Variants in MYLK observed in about 807,000 individuals in gnomAD.
MYLK encodes myosin light chain kinase.
A neutral mutation model predicts 203.4 loss-of-function variants in MYLK; 106 were observed. The observed-to-expected ratio is 0.52, with a 90% confidence interval of 0.45 to 0.61. The LOEUF (loss-of-function observed/expected upper bound fraction) is 0.61, where lower values mean the gene tolerates loss of function less well. Ranked by LOEUF, MYLK falls within the 20% of genes least tolerant of loss-of-function variation. MYLK has a pLI of 0.00. For missense variants in MYLK, 2,072 were observed against 2,442.3 expected, an observed-to-expected ratio of 0.85 and a Z score of 3.20; for synonymous variants, 867 against 959.5, an observed-to-expected ratio of 0.90 and a Z score of 1.78.
At chr3:123,730,957 G>C (rs998506804) in intron 11 of MYLK, among the ~76,000 whole-genome samples, 1 of 152,082 alleles carries the variant, frequency 6.6e-6, no homozygotes, top group Non-Finnish European at 1.5e-5. Flanking sequence ...AACAAGATAG[G>C]GAATCAACCT....
At chr3:123,763,176 T>G (rs1366403362) in intron 4 of MYLK, among the ~76,000 whole-genome samples, 2 of 152,250 alleles carry the variant, frequency 1.3e-5, no homozygotes, top group Non-Finnish European at 2.9e-5. Context: ...TGCTTTACTT[T>G]GATATCCTTA....
intron 4 of MYLK, among the ~76,000 whole-genome samples, chr3:123,784,209 G>A (rs1209181992): frequency 1.3e-5 from 2 of 152,168 alleles, no homozygotes; most frequent in Non-Finnish European, 2.9e-5. Flanking sequence ...CTGGGCCAGT[G>A]TGGCCATGTG....
chr3:123,819,009 A>G lies in MYLK; in HGVS notation c.-4+12539T>C, dbSNP rs1341427561. On this transcript the variant is annotated intron_variant, in intron 3 of 33. Transcript: ENST00000360304. Reference sequence around the variant, plus strand: ...TTACCGATAAAACAACAACAGTACCACCCTGGGCAAGGCTGCTTTGAAACT... The same window carrying G: ...TTACCGATAAAACAACAACAGTACCGCCCTGGGCAAGGCTGCTTTGAAACT... Among the ~76,000 whole-genome samples, 3 of 152,110 alleles carry G rather than the reference A, an allele frequency of 2.0e-5. No individual in the cohort carries two copies. In the South Asian group the frequency reaches 6.2e-4, roughly 32 times the overall value.
chr3:123,671,825 G>A (rs900567913), intron 20 of MYLK, among the ~76,000 whole-genome samples: 3 of 152,088 alleles, frequency 2.0e-5, no homozygotes, highest in South Asian at 2.1e-4. Context: ...CCTTTGGTGG[G>A]GGAGACCAGA....
At chr3:123,834,844 C>T (rs2066434976) in intron 2 of MYLK, among the ~76,000 whole-genome samples, 1 of 152,078 alleles carries the variant, frequency 6.6e-6, no homozygotes, top group African/African-American at 2.4e-5. Context: ...AGAATGTCTG[C>T]TCCGGGAAGT....
intron 4 of MYLK, among the ~76,000 whole-genome samples, chr3:123,790,546 T>C (rs2064739193): frequency 6.6e-6 from 1 of 152,168 alleles, no homozygotes; most frequent in Admixed American, 6.5e-5. Context: ...TGTTATCCCA[T>C]CTTAATGTCA....
intron 32 of MYLK, among the ~76,000 whole-genome samples, chr3:123,619,610 T>C (rs820458): frequency 0.38 from 58,361 of 151,786 alleles, 16,707 homozygotes; most frequent in African/African-American, 0.78. Flanking sequence ...AAGGCTGGGG[T>C]TTTCACTGAG....
At chr3:123,656,865 CCTGAGT>C (rs1361175015) in intron 24 of MYLK, among the ~76,000 whole-genome samples, 2 of 152,162 alleles carry the variant, frequency 1.3e-5, no homozygotes, top group East Asian at 3.9e-4. Context: ...CTCCTATGCT[CCTGAGT>C]AACATACCAT....
At chr3:123,813,209 G>A (rs2065620669) in intron 3 of MYLK, among the ~76,000 whole-genome samples, 1 of 152,208 alleles carries the variant, frequency 6.6e-6, no homozygotes, top group South Asian at 2.1e-4. Context: ...CTAAAAGGTT[G>A]CAAATAGGGG....
intron 20 of MYLK, chr3:123,681,421 T>C (rs1440789124): frequency 6.6e-6 from 1 of 152,384 alleles, no homozygotes. Context: ...GAACAGACCC[T>C]GTACAATGGA....
chr3:123,790,189 G>C (rs993031348), intron 4 of MYLK, among the ~76,000 whole-genome samples: 1 of 152,224 alleles, frequency 6.6e-6, no homozygotes, highest in African/African-American at 2.4e-5. Context: ...CATTACACCT[G>C]TATTCAAGGC....
At chr3:123,657,788 C>T (rs946829403) in intron 23 of MYLK, among the ~76,000 whole-genome samples, 10 of 152,192 alleles carry the variant, frequency 6.6e-5, no homozygotes, top group Non-Finnish European at 1.5e-5. Flanking sequence ...CTATCGAAAA[C>T]ATGTTTTGAG....
Position 123,708,713 on chromosome 3 carries a change from C to A in MYLK, c.2125G>T (p.Val709Leu), listed in dbSNP as rs112537316. 2 of 1,614,098 alleles carry A rather than the reference C, an allele frequency of 1.2e-6. No homozygotes were observed. The highest frequency in any genetic ancestry group is 1.7e-6 in the Non-Finnish European group (2 of 1,180,020). Residue 709 changes from valine (V) to leucine (L), a missense_variant, in exon 15 of 34, where the codon GTG becomes TTG. By Grantham distance (32) the Val-to-Leu change is conservative. Transcript: ENST00000360304. ...NSAGEVRTQA[V>L]LTVQEPHDGT... is the part of the protein sequence containing the mutation. ...TCAGCCTCACCTTGTACCGTGAGCA[C>A]GGCCTGGGTGCGGACCTCTCCAGCG...
intron 4 of MYLK, among the ~76,000 whole-genome samples, chr3:123,758,651 C>T (rs1009343474): frequency 2.6e-5 from 4 of 152,148 alleles, no homozygotes; most frequent in African/African-American, 7.2e-5. Context: ...GTTATAGCTC[C>T]GTAGCTGGGG....
At chr3:123,759,118 C>T (rs537642309) in intron 4 of MYLK, among the ~76,000 whole-genome samples, 1 of 152,282 alleles carries the variant, frequency 6.6e-6, no homozygotes, top group South Asian at 2.1e-4. Flanking sequence ...AGACACTGTG[C>T]CTGGCCAAAG....
intron 3 of MYLK, among the ~76,000 whole-genome samples, chr3:123,794,840 G>A (rs1401983998): frequency 6.6e-6 from 1 of 152,152 alleles, no homozygotes; most frequent in Non-Finnish European, 1.5e-5. Context: ...AATACATTCT[G>A]TTCCAGGCAC....
intron 3 of MYLK, among the ~76,000 whole-genome samples, chr3:123,806,493 A>C (rs573095968): frequency 6.6e-6 from 1 of 152,302 alleles, no homozygotes; most frequent in South Asian, 2.1e-4. Flanking sequence ...TAGTCATTAC[A>C]TTGATTGAGA....
At chr3:123,641,706 C>T (rs1365158704) in intron 27 of MYLK, among the ~76,000 whole-genome samples, 2 of 150,266 alleles carry the variant, frequency 1.3e-5, no homozygotes, top group East Asian at 3.9e-4. Context: ...TCCTTCCTTC[C>T]TTCCTTCCGT....
At chr3:123,668,958 G>A (rs997400879) in intron 20 of MYLK, among the ~76,000 whole-genome samples, 2 of 152,196 alleles carry the variant, frequency 1.3e-5, no homozygotes, top group African/African-American at 4.8e-5. Flanking sequence ...GAATGAGTGG[G>A]CTAATATTAA....
Sources: allele counts gnomAD v4.1 joint callset (sites outside exome capture counted in the v4.1 genomes callset), GRCh38; gene constraint gnomAD v4.1.1; transcripts MANE v1.5; gene names NCBI Gene and HGNC (gene_info 2026-07-23, HGNC 2026-07-21).